Variants in KANSL1L observed in about 807,000 individuals in gnomAD.
KANSL1L encodes KAT8 regulatory NSL complex subunit 1 like, also known as KAT8 regulatory NSL complex subunit 1-like protein.
KANSL1L carries 25 observed loss-of-function variants against 108.6 expected under a neutral mutation model. That is an observed-to-expected ratio of 0.23 (90% CI 0.17 to 0.32). The LOEUF (loss-of-function observed/expected upper bound fraction) is 0.32. KANSL1L is among the 10% of genes least tolerant of loss of function. The pLI is 1.00. For missense variants in KANSL1L, 1,137 were observed against 1,125.7 expected, an observed-to-expected ratio of 1.01 and a Z score of -0.14; for synonymous variants, 405 against 395.1, an observed-to-expected ratio of 1.03 and a Z score of -0.30.
At chr2:210,115,209 C>T (rs116118456) in intron 3 of KANSL1L, among the ~76,000 whole-genome samples, 2,820 of 151,866 alleles carry the variant, frequency 0.019, 40 homozygotes, top group African/African-American at 0.037. Context: ...TTAAGTCCAA[C>T]GACACAAGTA....
chr2:210,080,797 C>A (rs1298675864), intron 5 of KANSL1L, among the ~76,000 whole-genome samples: 2 of 151,964 alleles, frequency 1.3e-5, no homozygotes, highest in East Asian at 3.9e-4. Flanking sequence ...GACAAAGTCC[C>A]TTGTCCCTTT....
chr2:210,132,698 A>G (rs958885073), intron 2 of KANSL1L, among the ~76,000 whole-genome samples: 5 of 152,142 alleles, frequency 3.3e-5, no homozygotes, highest in African/African-American at 1.2e-4. Flanking sequence ...ATGAATTTTT[A>G]CTGTTTGCTA....
At chr2:210,125,702 C>A (rs1023740066) in intron 3 of KANSL1L, among the ~76,000 whole-genome samples, 2 of 152,044 alleles carry the variant, frequency 1.3e-5, no homozygotes, top group Non-Finnish European at 2.9e-5. Flanking sequence ...ATGTAATACA[C>A]AACATTAACA....
At chr2:210,096,730 T>C in intron 5 of KANSL1L, 1 of 957,174 alleles carries the variant, frequency 1.0e-6, no homozygotes, top group Non-Finnish European at 1.2e-6. Context: ...ATACAATATG[T>C]AAGAATCTTT....
chr2:210,113,458 G>T (rs529988914), intron 3 of KANSL1L, among the ~76,000 whole-genome samples: 1 of 151,686 alleles, frequency 6.6e-6, no homozygotes, highest in South Asian at 2.1e-4. Flanking sequence ...AAGTCCTGCA[G>T]AAAGGGAAAG....
chr2:210,074,066 T>C (rs1377788169), intron 6 of KANSL1L, among the ~76,000 whole-genome samples: 1 of 144,414 alleles, frequency 6.9e-6, no homozygotes, highest in African/African-American at 2.4e-5. Context: ...GCTATAACAA[T>C]ATATATACCA....
At chr2:210,114,885 T>G (rs1339857488) in intron 3 of KANSL1L, among the ~76,000 whole-genome samples, 5 of 152,018 alleles carry the variant, frequency 3.3e-5, no homozygotes, top group Non-Finnish European at 5.9e-5. Context: ...TGTAATAACT[T>G]TATGAGGTTA....
intron 13 of KANSL1L, among the ~76,000 whole-genome samples, chr2:210,024,884 A>G (rs909086790): frequency 2.0e-5 from 3 of 152,222 alleles, no homozygotes; most frequent in Admixed American, 6.5e-5. Flanking sequence ...GGCTGACAAC[A>G]TAAGAGAGGA....
intron 2 of KANSL1L, among the ~76,000 whole-genome samples, chr2:210,148,311 TG>T (rs1297743744): frequency 6.6e-6 from 1 of 152,192 alleles, no homozygotes; most frequent in Non-Finnish European, 1.5e-5. Flanking sequence ...AAAATGTAAC[TG>T]ATCATCATTC....
chr2:210,063,479 T>C (rs1378993472), intron 6 of KANSL1L, among the ~76,000 whole-genome samples: 1 of 152,178 alleles, frequency 6.6e-6, no homozygotes, highest in Non-Finnish European at 1.5e-5. Flanking sequence ...CCGGAAAAGC[T>C]GCAGACACTA....
intron 3 of KANSL1L, among the ~76,000 whole-genome samples, chr2:210,128,424 TAAA>T (rs1256944899): frequency 6.6e-6 from 1 of 152,128 alleles, no homozygotes; most frequent in African/African-American, 2.4e-5. Flanking sequence ...TTATTAGTCT[TAAA>T]AAGGAAAGAA....
Position 210,031,452 on chromosome 2 carries a change from T to G in KANSL1L, c.2124A>C (p.Arg708Ser). Reference protein sequence around the residue: ...SESSAQLLQGRKKRHLSETAL... With the variant: ...SESSAQLLQGSKKRHLSETAL... ...CTGTTTCACTCAAATGTCTTTTCTT[T>G]CTTCCCTGTAACAGTTGTGCAGAAG... is the stretch of plus-strand genomic sequence containing the variant. Residue 708 changes from arginine (R) to serine (S), a missense_variant, in exon 9 of 15, where the codon AGA becomes AGC. By Grantham distance (110) the Arg-to-Ser change is moderately radical. Coordinates refer to ENST00000281772, the MANE Select transcript of KANSL1L (RefSeq NM_152519.4). 6.2e-7 allele frequency: 1 copy of G among 1,601,766 alleles called. No individual in the cohort carries two copies. The highest frequency in any genetic ancestry group is 8.5e-7 in the Non-Finnish European group (1 of 1,170,086).
chr2:210,075,682 C>G lies in KANSL1L; in HGVS notation c.1625G>C (p.Arg542Thr). Reference sequence around the variant, plus strand: ...AGATTTCAGTCTTGTCCTGTCTTTTCTCTTTTTCTTACTGTGCTTCTGGTT... The same window carrying G: ...AGATTTCAGTCTTGTCCTGTCTTTTGTCTTTTTCTTACTGTGCTTCTGGTT... ...LLNQKHSKKK[R>T]KDRTRLKSSS... is the part of the protein sequence containing the mutation. The change falls in exon 6 of 15, where the codon AGA becomes ACA. Residue 542 changes from arginine to threonine, a missense_variant. Physicochemically the swap from Arg to Thr is moderately conservative, Grantham distance 71. Around this residue, in one of 3 missense-constraint regions of KANSL1L, gnomAD observed 575 missense variants for 567.1 expected, o/e 1.01. Transcript: ENST00000281772. The G allele has an allele frequency of 6.2e-7, 1 of 1,613,944 alleles. No individual in the cohort carries two copies.
At chr2:210,143,116 A>G (rs1166536497) in intron 2 of KANSL1L, among the ~76,000 whole-genome samples, 1 of 152,008 alleles carries the variant, frequency 6.6e-6, no homozygotes, top group Non-Finnish European at 1.5e-5. Flanking sequence ...ATATATTTAG[A>G]TTCTCTGATA....
chr2:210,094,211 TTTG>T (rs1308043711), intron 5 of KANSL1L, among the ~76,000 whole-genome samples: 1 of 152,154 alleles, frequency 6.6e-6, no homozygotes, highest in Non-Finnish European at 1.5e-5. Context: ...ATGGTAAATT[TTTG>T]TTATGTATGT....
At chr2:210,149,825 C>A (rs2095289901) in intron 2 of KANSL1L, among the ~76,000 whole-genome samples, 3 of 148,410 alleles carry the variant, frequency 2.0e-5, no homozygotes, top group Non-Finnish European at 4.5e-5. Context: ...ATATTCAAAA[C>A]AACATTTTGT....
chr2:210,058,571 T>C (rs2094382803), intron 6 of KANSL1L, among the ~76,000 whole-genome samples: 1 of 152,092 alleles, frequency 6.6e-6, no homozygotes, highest in Non-Finnish European at 1.5e-5. Flanking sequence ...CAGTGGCTCA[T>C]GCCTGTAATC....
chr2:210,105,412 C>T (rs895073955), intron 3 of KANSL1L, among the ~76,000 whole-genome samples: 1 of 146,188 alleles, frequency 6.8e-6, no homozygotes, highest in Admixed American at 6.9e-5. Flanking sequence ...TAATAAATTC[C>T]TATAGGCTAG....
At chr2:210,111,491 G>C (rs949647605) in intron 3 of KANSL1L, among the ~76,000 whole-genome samples, 4 of 152,098 alleles carry the variant, frequency 2.6e-5, no homozygotes, top group Admixed American at 1.3e-4. Context: ...CTGAAGGAAA[G>C]AGATTGACCG....
Sources: allele counts gnomAD v4.1 joint callset (sites outside exome capture counted in the v4.1 genomes callset), GRCh38; gene constraint gnomAD v4.1.1; regional missense constraint gnomAD v4.1.1; transcripts MANE v1.5; gene names NCBI Gene and HGNC (gene_info 2026-07-23, HGNC 2026-07-21).